The following PLCB4 variants were observed in gnomAD, a reference collection of about 807,000 sequenced individuals.
PLCB4 encodes the protein 1-phosphatidylinositol 4,5-bisphosphate phosphodiesterase beta-4.
In PLCB4, 77 loss-of-function variants were observed where a neutral mutation model predicts 178.8. The observed-to-expected ratio is 0.43, with a 90% CI of 0.36 to 0.52. The LOEUF is 0.52. PLCB4 is among the 20% of genes least tolerant of loss of function. The probability of loss-of-function intolerance (pLI) is 0.00; values close to 1 mark genes in which losing one functional copy is unlikely to be tolerated. For synonymous variants in PLCB4, 496 were observed against 490.8 expected (o/e 1.01, Z -0.14); for missense variants, 1,024 against 1,453.4 (o/e 0.70, Z 4.80).
At chr20:9,162,757 A>G (rs1232629121) in intron 2 of PLCB4, among the ~76,000 whole-genome samples, 2 of 151,954 alleles carry the variant, frequency 1.3e-5, no homozygotes, top group Non-Finnish European at 2.9e-5. Flanking sequence ...TAAATATATT[A>G]TACCAGTGCC....
chr20:9,262,114 G>C (rs2094303547), intron 3 of PLCB4, among the ~76,000 whole-genome samples: 1 of 152,190 alleles, frequency 6.6e-6, no homozygotes, highest in African/African-American at 2.4e-5. Flanking sequence ...TCTATCGTCA[G>C]TTGAATGAAT....
intron 3 of PLCB4, among the ~76,000 whole-genome samples, chr20:9,249,913 G>A (rs149556397): frequency 1.7e-3 from 257 of 152,128 alleles, no homozygotes; most frequent in Non-Finnish European, 2.7e-3. Context: ...AATATTTTTT[G>A]AGCAAATGAA....
At position 9,407,946 on chromosome 20, in the gene PLCB4, G is replaced by T. The variant is rs35479108; in HGVS notation, c.1677G>T (p.Ala559=). Residue 559 remains alanine (A), a synonymous_variant, in exon 22 of 40, where the codon GCG becomes GCT. Transcript: ENST00000378473. The part of the protein sequence containing the change: ...KGLVTVEDEQ[A]WMASYKYVGA... ...TGGTCACTGTAGAAGATGAGCAGGC[G>T]TGGATGGCATCTTATAAATATGTAG... The T allele has an allele frequency of 6.2e-7, 1 of 1,613,692 alleles. No homozygotes were observed. Among genetic ancestry groups the T allele is most frequent in the South Asian group, 1.1e-5 (1 of 91,038 alleles).
intron 36 of PLCB4, among the ~76,000 whole-genome samples, chr20:9,472,554 T>A (rs980533332): frequency 2.0e-5 from 3 of 152,174 alleles, no homozygotes; most frequent in Non-Finnish European, 2.9e-5. Context: ...CCTTTAAAAA[T>A]GTGAGATAAA....
chr20:9,423,683 C>G, intron 27 of PLCB4, 65 bp from the exon 28 acceptor site: 1 of 1,268,206 alleles, frequency 7.9e-7, no homozygotes. Flanking sequence ...GGTCCACACT[C>G]CTTAGAGTCA....
At chr20:9,221,278 C>G (rs1478157903) in intron 3 of PLCB4, among the ~76,000 whole-genome samples, 1 of 152,174 alleles carries the variant, frequency 6.6e-6, no homozygotes, top group African/African-American at 2.4e-5. Flanking sequence ...CTTTTCCACT[C>G]CTGCATCAGT....
At chr20:9,392,961 A>G (rs1477327082) in intron 17 of PLCB4, among the ~76,000 whole-genome samples, 1 of 152,168 alleles carries the variant, frequency 6.6e-6, no homozygotes, top group African/African-American at 2.4e-5. Context: ...GACTAGATAC[A>G]GGACGGTTCT....
chr20:9,397,323 C>A (rs2038672666), intron 19 of PLCB4, among the ~76,000 whole-genome samples: 1 of 152,192 alleles, frequency 6.6e-6, no homozygotes, highest in South Asian at 2.1e-4. Flanking sequence ...AATTCTAGTT[C>A]TCTTACTCTT....
At chr20:9,304,818 C>T (rs369848366) in intron 3 of PLCB4, among the ~76,000 whole-genome samples, 1 of 150,402 alleles carries the variant, frequency 6.6e-6, no homozygotes, top group African/African-American at 2.4e-5. Context: ...TTTCTTAGCA[C>T]GTGCCTATGG....
At chr20:9,192,528 C>CTTTTT (rs57026127) in intron 2 of PLCB4, among the ~76,000 whole-genome samples, 2 of 135,342 alleles carry the variant, frequency 1.5e-5, no homozygotes, top group Admixed American at 7.4e-5. Context: ...ATTTTTTTTT[C>CTTTTT]TTTTTTTTTT....
chr20:9,308,406 A>T (rs965990904), intron 4 of PLCB4, among the ~76,000 whole-genome samples: 2 of 152,190 alleles, frequency 1.3e-5, no homozygotes, highest in Non-Finnish European at 2.9e-5. Context: ...TGATGACTCC[A>T]GACTTTCTAT....
intron 2 of PLCB4, among the ~76,000 whole-genome samples, chr20:9,146,311 T>G (rs1439622775): frequency 6.6e-6 from 1 of 152,072 alleles, no homozygotes; most frequent in Non-Finnish European, 1.5e-5. Flanking sequence ...ATGACCAAAC[T>G]CTGGAGTTTC....
intron 2 of PLCB4, among the ~76,000 whole-genome samples, chr20:9,153,160 T>C (rs979068662): frequency 2.6e-5 from 4 of 152,148 alleles, no homozygotes; most frequent in African/African-American, 9.7e-5. Flanking sequence ...TTATCTCAGA[T>C]GAGACTTTGA....
chr20:9,258,714 C>CAAA (rs969525907), intron 3 of PLCB4, among the ~76,000 whole-genome samples: 1,919 of 62,588 alleles, frequency 0.031, 123 homozygotes, highest in African/African-American at 0.099. Context: ...GACTTCCTCT[C>CAAA]AAAAAAAAAA....
chr20:9,314,069 G>T (rs989429984), intron 4 of PLCB4, among the ~76,000 whole-genome samples: 1 of 152,152 alleles, frequency 6.6e-6, no homozygotes, highest in Admixed American at 6.5e-5. Context: ...TTCTGCAAGG[G>T]CATGAGTATG....
chr20:9,418,579 A>G (rs1371662169), intron 25 of PLCB4, among the ~76,000 whole-genome samples: 1 of 152,104 alleles, frequency 6.6e-6, no homozygotes, highest in Non-Finnish European at 1.5e-5. Flanking sequence ...TAGCTTAGTA[A>G]TAAGTTTTGA....
intron 4 of PLCB4, among the ~76,000 whole-genome samples, chr20:9,327,768 T>TC (rs1218095020): frequency 6.6e-6 from 1 of 151,928 alleles, no homozygotes; most frequent in Non-Finnish European, 1.5e-5. Context: ...AGAGCGAGAC[T>TC]CCATCTCGAA....
rs80120195 is a variant in PLCB4, at chr20:9,456,325, T to A, written c.2997-1089T>A. ...AAGCTTTATTCAAGTGCTTCCAGCT[T>A]TGGCTAATGACTACCTCTCATATGC... On this transcript the variant is annotated intron_variant, in intron 33 of 39. Transcript: ENST00000378473. 1.7e-3 allele frequency among the ~76,000 whole-genome samples: 252 copies of A among 152,334 alleles called. 1 individual carries two copies. Among genetic ancestry groups the A allele is most frequent in the Middle Eastern group, 0.01 (3 of 294 alleles).
intron 4 of PLCB4, among the ~76,000 whole-genome samples, chr20:9,332,996 G>T (rs76706043): frequency 6.6e-6 from 1 of 152,120 alleles, no homozygotes. Context: ...TTAGGCAGAC[G>T]GCCTCAACCA....
Sources: gnomAD v4.1 joint callset for allele counts (sites outside exome capture counted in the v4.1 genomes callset) on GRCh38, gnomAD v4.1.1 for gene constraint, MANE v1.5 for transcripts, NCBI Gene and HGNC (gene_info 2026-07-23, HGNC 2026-07-21) for gene names.